The following MSH4 variants were observed in gnomAD, a reference collection of about 807,000 sequenced individuals.
The protein encoded by MSH4 is mutS homolog 4, also known as mutS protein homolog 4.
MSH4 carries 106 observed loss-of-function variants against 113.7 expected under a neutral mutation model. The ratio of observed to expected loss-of-function variants is 0.93; its 90% CI spans 0.80 to 1.10. MSH4 has a LOEUF of 1.10. Among genes scored for constraint, MSH4 ranks in the 50% least tolerant of loss-of-function variants. MSH4 has a pLI of 0.00. For synonymous variants in MSH4, 368 were observed against 380.2 expected, an observed-to-expected ratio of 0.97 and a Z score of 0.37; for missense variants, 1,061 against 1,093.7, an observed-to-expected ratio of 0.97 and a Z score of 0.42.
At chr1:75,799,942 A>G (rs1212057479) in intron 1 of MSH4, among the ~76,000 whole-genome samples, 1 of 152,206 alleles carries the variant, frequency 6.6e-6, no homozygotes, top group Non-Finnish European at 1.5e-5. Flanking sequence ...AATATAGGAA[A>G]CTAGAGCTAA....
chr1:75,860,488 C>G (rs1008354275), intron 8 of MSH4, among the ~76,000 whole-genome samples: 5 of 152,136 alleles, frequency 3.3e-5, no homozygotes, highest in Admixed American at 2.6e-4. Context: ...GCATTTGCTT[C>G]TCGCTAAAGG....
intron 7 of MSH4, among the ~76,000 whole-genome samples, chr1:75,837,161 G>T (rs2100536129): frequency 6.6e-6 from 1 of 152,198 alleles, no homozygotes; most frequent in African/African-American, 2.4e-5. Context: ...AAGCTCAAGG[G>T]AGACTCCTTG....
At chr1:75,802,721 A>G (rs1392931881) in intron 1 of MSH4, among the ~76,000 whole-genome samples, 3 of 152,240 alleles carry the variant, frequency 2.0e-5, no homozygotes, top group Non-Finnish European at 4.4e-5. Context: ...TACAAATGAA[A>G]CATATGTCTT....
rs1651930947 is a variant in MSH4 at position 75,881,442 on chromosome 1, T to C, written c.1906+72T>C. On this transcript the variant is annotated intron_variant, in intron 14 of 19. Coordinates refer to ENST00000263187, the MANE Select transcript of MSH4 (RefSeq NM_002440.4). ...ATTCGATTCAAACAATTTGATATAA[T>C]AGTTATGACATTTAAAATTTTTAAC... 2.0e-6 allele frequency: 3 copies of C among 1,483,412 alleles called. No homozygotes were observed. In the East Asian group the frequency reaches 7.0e-5, roughly 35 times the overall value. 91.9% of individuals were successfully genotyped at this position (1,483,412 alleles called of 1,614,324 possible). A position where few individuals can be genotyped will look rare whatever the true frequency, so the allele number is the denominator to read the frequency against.
intron 13 of MSH4, 86 bp from the exon 14 acceptor site, chr1:75,881,160 G>A (rs1651923026): frequency 2.9e-6 from 3 of 1,020,998 alleles, no homozygotes; most frequent in African/African-American, 1.6e-5. Flanking sequence ...TTTACTTCAG[G>A]CAATGAATTT....
intron 19 of MSH4, among the ~76,000 whole-genome samples, chr1:75,909,000 C>T (rs1652731017): frequency 6.6e-6 from 1 of 152,196 alleles, no homozygotes; most frequent in Non-Finnish European, 1.5e-5. Flanking sequence ...TTGGTGTCTC[C>T]TTCGACTGAA....
chr1:75,901,219 A>G (rs1319497866), intron 19 of MSH4, among the ~76,000 whole-genome samples: 1 of 152,172 alleles, frequency 6.6e-6, no homozygotes, highest in African/African-American at 2.4e-5. Flanking sequence ...CATATTAACT[A>G]TAGTCACCCT....
At chr1:75,906,904 G>A (rs1263861496) in intron 19 of MSH4, among the ~76,000 whole-genome samples, 4 of 150,452 alleles carry the variant, frequency 2.7e-5, no homozygotes, top group African/African-American at 9.8e-5. Flanking sequence ...CGCGATCTTG[G>A]CTCACTGCAA....
rs556954591 is a variant in MSH4 at position 75,824,232 on chromosome 1, A to G, written c.1162+1651A>G. Among the ~76,000 whole-genome samples, 79 of 152,244 alleles carry G rather than the reference A, an allele frequency of 5.2e-4. No homozygotes were observed. The Middle Eastern group carries it at 0.01, about 20-fold the overall frequency. On this transcript the variant is annotated intron_variant, in intron 7 of 19. Transcript: ENST00000263187. ...TGCATTTCTCTAATGACCAGTGATG[A>G]TGAGCTTTTTTTCATATGTTTGATG...
At position 75,889,321 on chromosome 1, in the gene MSH4, T is replaced by G; in HGVS notation, c.2178T>G (p.Asp726Glu). 1 of 1,537,318 alleles carries G rather than the reference T, an allele frequency of 6.5e-7. No individual in the cohort carries two copies. Among genetic ancestry groups the G allele is most frequent in the Non-Finnish European group, 8.9e-7 (1 of 1,128,050 alleles). ...AGATTTTTACAAGAATTAGTACTGA[T>G]GATGATATCGAAACAAATTCATCAA... ...AKQIFTRIST[D>E]DDIETNSSTF... Residue 726 changes from aspartate (D) to glutamate (E), a missense_variant, in exon 16 of 20, where the codon GAT becomes GAG. Physicochemically the swap from Asp to Glu is conservative, Grantham distance 45. Transcript: ENST00000263187.
At chr1:75,876,907 C>T in intron 9 of MSH4, 29 bp from the exon 10 acceptor site, 1 of 1,302,014 alleles carries the variant, frequency 7.7e-7, no homozygotes, top group Non-Finnish European at 1.1e-6. Context: ...ATTGATTATC[C>T]TTAACTTTTT....
chr1:75,840,536 G>A (rs1650934291), intron 7 of MSH4, among the ~76,000 whole-genome samples: 1 of 109,412 alleles, frequency 9.1e-6, no homozygotes, highest in South Asian at 3.8e-4. Flanking sequence ...GGGGAGGGGG[G>A]AGGGATAGCT....
At chr1:75,872,476 T>C (rs1298808461) in intron 9 of MSH4, among the ~76,000 whole-genome samples, 1 of 152,220 alleles carries the variant, frequency 6.6e-6, no homozygotes, top group Non-Finnish European at 1.5e-5. Context: ...TCAAAGGTCT[T>C]AAAGAAGCCT....
intron 10 of MSH4, among the ~76,000 whole-genome samples, chr1:75,877,829 A>G (rs550762986): frequency 1.3e-5 from 2 of 152,256 alleles, no homozygotes; most frequent in South Asian, 2.1e-4. Context: ...ATGAAGCCAC[A>G]ATTTTTATGA....
At chr1:75,908,694 A>G (rs923505492) in intron 19 of MSH4, among the ~76,000 whole-genome samples, 3 of 152,064 alleles carry the variant, frequency 2.0e-5, no homozygotes, top group African/African-American at 7.2e-5. Context: ...GGATCAGTTT[A>G]TCTTCAGTGT....
At chr1:75,852,149 T>C (rs1287364864) in intron 8 of MSH4, among the ~76,000 whole-genome samples, 1 of 152,246 alleles carries the variant, frequency 6.6e-6, no homozygotes, top group Non-Finnish European at 1.5e-5. Flanking sequence ...ACAGGTAGTC[T>C]TTTGTGACTG....
intron 19 of MSH4, among the ~76,000 whole-genome samples, chr1:75,908,169 A>G (rs1652711140): frequency 7.0e-6 from 1 of 142,686 alleles, no homozygotes; most frequent in South Asian, 2.2e-4. Flanking sequence ...TTTTTGAGAC[A>G]GAGTCTGGCT....
chr1:75,842,513 C>A (rs35961154), intron 7 of MSH4, among the ~76,000 whole-genome samples: 10,911 of 152,176 alleles, frequency 0.072, 504 homozygotes, highest in African/African-American at 0.13. Flanking sequence ...ATATGAATAT[C>A]ATTAATCATT....
chr1:75,824,842 C>T (rs146732365), intron 7 of MSH4, among the ~76,000 whole-genome samples: 61 of 149,504 alleles, frequency 4.1e-4, no homozygotes, highest in Middle Eastern at 3.5e-3. Context: ...CAGTACCATA[C>T]CGTTTTAGTT....
Sources: allele counts gnomAD v4.1 joint callset (sites outside exome capture counted in the v4.1 genomes callset), GRCh38; gene constraint gnomAD v4.1.1; transcripts MANE v1.5; gene names NCBI Gene and HGNC (gene_info 2026-07-23, HGNC 2026-07-21).